The following ADK variants were observed in gnomAD, a reference collection of about 807,000 sequenced individuals.
ADK encodes the protein adenosine kinase, also known as N6,N6-dimethyladenosine kinase.
A neutral mutation model predicts 44.7 loss-of-function variants in ADK; 24 were observed. That is an observed-to-expected ratio of 0.54 (90% CI 0.39 to 0.76). The LOEUF (loss-of-function observed/expected upper bound fraction) is 0.76, where lower values mean the gene tolerates loss of function less well. ADK is among the 30% of genes least tolerant of loss of function. ADK has a pLI of 0.00. For missense variants in ADK, 321 were observed against 425.1 expected (o/e 0.76, Z 2.15); for synonymous variants, 128 against 142.6 (o/e 0.90, Z 0.73).
chr10:74,492,825 A>G (rs1847536511), intron 6 of ADK, among the ~76,000 whole-genome samples: 2 of 152,050 alleles, frequency 1.3e-5, no homozygotes, highest in Admixed American at 6.6e-5. Context: ...GTTTTATCCT[A>G]TTGCTGATGA....
At chr10:74,626,533 C>A (rs1022191960) in intron 9 of ADK, among the ~76,000 whole-genome samples, 2 of 152,046 alleles carry the variant, frequency 1.3e-5, no homozygotes, top group African/African-American at 4.8e-5. Context: ...CAACTCTTGA[C>A]CTCAAGTGAT....
At chr10:74,543,146 C>T (rs370726690) in intron 7 of ADK, among the ~76,000 whole-genome samples, 35 of 151,970 alleles carry the variant, frequency 2.3e-4, no homozygotes, top group African/African-American at 7.5e-4. Flanking sequence ...GTGATCCTCC[C>T]GCCTTGGCCT....
chr10:74,589,346 C>G, intron 8 of ADK, 29 bp downstream of exon 8: 1 of 1,611,526 alleles, frequency 6.2e-7, no homozygotes. Flanking sequence ...GCACACTAAA[C>G]AGATCCTAAA....
intron 7 of ADK, among the ~76,000 whole-genome samples, chr10:74,583,901 G>A (rs779820429): frequency 2.3e-4 from 35 of 152,048 alleles, no homozygotes; most frequent in Non-Finnish European, 3.1e-4. Flanking sequence ...CTCATGTCCG[G>A]TCACAGCCCT....
intron 7 of ADK, among the ~76,000 whole-genome samples, chr10:74,566,705 C>CT (rs1850680601): frequency 6.6e-6 from 1 of 152,130 alleles, no homozygotes; most frequent in African/African-American, 2.4e-5. Context: ...CATTTTCCAA[C>CT]TTTTATACTT....
chr10:74,696,392 A>C (rs1328060300), intron 10 of ADK, among the ~76,000 whole-genome samples: 2 of 150,666 alleles, frequency 1.3e-5, no homozygotes, highest in African/African-American at 4.9e-5. Context: ...TTTTGAAACG[A>C]ACTCGTTCTG....
At chr10:74,598,030 A>G (rs1278032932) in intron 8 of ADK, among the ~76,000 whole-genome samples, 1 of 152,198 alleles carries the variant, frequency 6.6e-6, no homozygotes, top group East Asian at 1.9e-4. Flanking sequence ...TAGCATACTT[A>G]TCCCTCAAAA....
intron 8 of ADK, among the ~76,000 whole-genome samples, chr10:74,589,782 T>C (rs1564807802): frequency 6.6e-6 from 1 of 152,202 alleles, no homozygotes. Context: ...TTCTAAAAGG[T>C]TGTACTTAAC....
intron 9 of ADK, among the ~76,000 whole-genome samples, chr10:74,630,106 G>A (rs982263420): frequency 2.0e-5 from 3 of 151,824 alleles, no homozygotes; most frequent in South Asian, 2.1e-4. Flanking sequence ...CAAAAAAAAA[G>A]TTGTAAAAAT....
chr10:74,183,514 A>AT (rs570073544), intron 1 of ADK, among the ~76,000 whole-genome samples: 8,664 of 146,154 alleles, frequency 0.059, 473 homozygotes, highest in African/African-American at 0.14. Flanking sequence ...GAAATATACT[A>AT]TTTTTTTTTT....
intron 4 of ADK, among the ~76,000 whole-genome samples, chr10:74,346,227 T>G (rs1490669504): frequency 6.7e-6 from 1 of 149,866 alleles, no homozygotes; most frequent in Non-Finnish European, 1.5e-5. Context: ...AAAGTTCATG[T>G]TTTTTTTTCT....
At chr10:74,505,279 C>T (rs1311313625) in intron 6 of ADK, among the ~76,000 whole-genome samples, 1 of 152,170 alleles carries the variant, frequency 6.6e-6, no homozygotes, top group Non-Finnish European at 1.5e-5. Context: ...TAGAAGGGTC[C>T]ATGTTGTAAA....
At chr10:74,213,953 G>A (rs1354402214) in intron 2 of ADK, among the ~76,000 whole-genome samples, 1 of 152,038 alleles carries the variant, frequency 6.6e-6, no homozygotes, top group East Asian at 1.9e-4. Context: ...TAGTCATTTT[G>A]AACAATTATC....
chr10:74,356,012 T>TTTTTTG (rs1564672648), intron 4 of ADK, among the ~76,000 whole-genome samples: 4 of 131,020 alleles, frequency 3.1e-5, no homozygotes, highest in Admixed American at 7.7e-5. Flanking sequence ...ATTTTTTTTT[T>TTTTTTG]TTTTTTTTTT....
At chr10:74,660,758 G>A (rs1421577443) in intron 9 of ADK, among the ~76,000 whole-genome samples, 1 of 148,382 alleles carries the variant, frequency 6.7e-6, no homozygotes, top group African/African-American at 2.5e-5. Flanking sequence ...AAGAGGCCAG[G>A]CGCAGTGGCT....
intron 6 of ADK, among the ~76,000 whole-genome samples, chr10:74,480,003 G>C (rs1004740578): frequency 1.3e-5 from 2 of 151,988 alleles, no homozygotes; most frequent in African/African-American, 4.8e-5. Flanking sequence ...ATCATGCTTG[G>C]ATGAAGCTTA....
intron 6 of ADK, among the ~76,000 whole-genome samples, chr10:74,491,182 T>C (rs1464068042): frequency 6.6e-6 from 1 of 152,074 alleles, no homozygotes; most frequent in Non-Finnish European, 1.5e-5. Flanking sequence ...TTTTTCACAG[T>C]GTCTTATAGG....
At chr10:74,570,408 A>G (rs1259545172) in intron 7 of ADK, among the ~76,000 whole-genome samples, 4 of 152,182 alleles carry the variant, frequency 2.6e-5, no homozygotes, top group South Asian at 2.1e-4. Context: ...ACCCATGAGC[A>G]TGGAATGTTC....
intron 3 of ADK, among the ~76,000 whole-genome samples, chr10:74,239,129 C>A (rs908845704): frequency 6.6e-6 from 1 of 151,794 alleles, no homozygotes; most frequent in African/African-American, 2.4e-5. Context: ...CTACTTTCTT[C>A]TGAATATAAT....
Sources: allele counts gnomAD v4.1 joint callset (sites outside exome capture counted in the v4.1 genomes callset), GRCh38; gene constraint gnomAD v4.1.1; transcripts MANE v1.5; gene names NCBI Gene and HGNC (gene_info 2026-07-23, HGNC 2026-07-21).